ZNF362: variants seen among roughly 807,000 people sequenced by gnomAD.
The protein encoded by ZNF362 is rotund homolog.
Under a neutral mutation model 42.9 loss-of-function variants are expected in ZNF362, and 11 were observed. The observed-to-expected ratio is 0.26, with a 90% CI of 0.16 to 0.42. The LOEUF (loss-of-function observed/expected upper bound fraction) is 0.42. ZNF362 is among the 20% of genes least tolerant of loss of function. The pLI is 1.00. For synonymous variants in ZNF362, 255 were observed against 257.3 expected, an observed-to-expected ratio of 0.99 and a Z score of 0.09; for missense variants, 362 against 576.2, an observed-to-expected ratio of 0.63 and a Z score of 3.81.
chr1:33,180,918 AC>A, the ZNF362 span: 1 of 608,516 alleles, frequency 1.6e-6, no homozygotes, highest in Non-Finnish European at 2.3e-6. Context: ...CCGCCCCAGG[AC>A]CATTCTGACT....
At chr1:33,139,810 A>G in the ZNF362 span, among the ~76,000 whole-genome samples, 175 of 152,194 alleles carry the variant, frequency 1.1e-3, no homozygotes, top group South Asian at 2.3e-3. Flanking sequence ...AGCTGGAAAG[A>G]CAGGAGCCAC....
At chr1:33,190,480 G>A in the ZNF362 span, among the ~76,000 whole-genome samples, 3 of 152,206 alleles carry the variant, frequency 2.0e-5, no homozygotes, top group African/African-American at 7.2e-5. Flanking sequence ...CCACCACTGA[G>A]TTGCTCAATG....
chr1:33,166,084 GA>G, the ZNF362 span: 1 of 152,400 alleles, frequency 6.6e-6, no homozygotes, highest in African/African-American at 2.4e-5. Context: ...ACAGGAGTGT[GA>G]ACTGCACATG....
chr1:33,161,590 AG>A, the ZNF362 span, among the ~76,000 whole-genome samples: 2 of 151,926 alleles, frequency 1.3e-5, no homozygotes, highest in East Asian at 3.9e-4. This position sits in a 1 kb window ranked among gnomAD's most constrained non-coding sequence, Gnocchi z 4.3. Context: ...AGGCAGACAA[AG>A]GGGGGCGGAC....
chr1:33,147,178 T>C, the ZNF362 span: 4 of 1,613,206 alleles, frequency 2.5e-6, no homozygotes, highest in Non-Finnish European at 3.4e-6. This position sits in a 1 kb window ranked among gnomAD's most constrained non-coding sequence, Gnocchi z 8.1. Context: ...CTGCCTGGAC[T>C]AGATGCGGAC....
chr1:33,204,354 T>A, the ZNF362 span, among the ~76,000 whole-genome samples: 2 of 152,180 alleles, frequency 1.3e-5, no homozygotes, highest in Non-Finnish European at 2.9e-5. Context: ...ATGTCAGTAC[T>A]ATACTGTTTT....
At chr1:33,226,215 C>T in the ZNF362 span, among the ~76,000 whole-genome samples, 5 of 152,072 alleles carry the variant, frequency 3.3e-5, no homozygotes, top group Admixed American at 2.0e-4. Flanking sequence ...CTCATTAATC[C>T]TCACCTGTCC....
At chr1:33,230,478 A>G in the ZNF362 span, among the ~76,000 whole-genome samples, 1 of 152,216 alleles carries the variant, frequency 6.6e-6, no homozygotes, top group African/African-American at 2.4e-5. Flanking sequence ...AGCTTGTAAG[A>G]GTCTGATGCT....
At chr1:33,226,727 T>C in the ZNF362 span, among the ~76,000 whole-genome samples, 14 of 152,290 alleles carry the variant, frequency 9.2e-5, no homozygotes, top group Admixed American at 7.8e-4. Flanking sequence ...TAGCTGGGCA[T>C]GGTGGCGCAT....
the ZNF362 span, among the ~76,000 whole-genome samples, chr1:33,174,751 G>C: frequency 1.3e-5 from 2 of 152,124 alleles, no homozygotes; most frequent in Non-Finnish European, 2.9e-5. Context: ...GCTCAACAGA[G>C]CAAGCCTCAG....
At chr1:33,224,550 A>G in the ZNF362 span, among the ~76,000 whole-genome samples, 1 of 152,236 alleles carries the variant, frequency 6.6e-6, no homozygotes, top group Non-Finnish European at 1.5e-5. Context: ...AGAGATAACA[A>G]TGTAAGAGAC....
chr1:33,142,266 A>G, the ZNF362 span: 1 of 152,304 alleles, frequency 6.6e-6, no homozygotes, highest in East Asian at 1.9e-4. Context: ...AGGTGTGAGC[A>G]GTCAGCCTCT....
chr1:33,165,342 G>A, the ZNF362 span: 2 of 808,306 alleles, frequency 2.5e-6, no homozygotes, highest in South Asian at 3.6e-5. The surrounding 1 kb of genome is among the most constrained non-coding windows in gnomAD (Gnocchi z 4.0). Context: ...CTCACTCCAG[G>A]TTTGGCTCCT....
the ZNF362 span, among the ~76,000 whole-genome samples, chr1:33,174,225 T>C: frequency 4.0e-5 from 6 of 151,848 alleles, no homozygotes; most frequent in Admixed American, 3.9e-4. Context: ...TTGCCCAGGC[T>C]GGCTGTAGTG....
chr1:33,267,701 A>G (rs1645873884), intron 1 of ZNF362, among the ~76,000 whole-genome samples: 1 of 152,228 alleles, frequency 6.6e-6, no homozygotes. Context: ...GGCCAGTAAC[A>G]TTAGCTGTTA....
chr1:33,181,349 A>G, the ZNF362 span: 1,205,343 of 1,587,034 alleles, frequency 0.76, 458,397 homozygotes, highest in Admixed American at 0.8. The surrounding 1 kb of genome is among the most constrained non-coding windows in gnomAD (Gnocchi z 6.5). Context: ...GGCAGAAGTA[A>G]TGCTCGCAGC....
the ZNF362 span, among the ~76,000 whole-genome samples, chr1:33,226,684 G>A: frequency 6.6e-6 from 1 of 152,156 alleles, no homozygotes; most frequent in Non-Finnish European, 1.5e-5. Flanking sequence ...GGCCAACATG[G>A]TGAAATCCCA....
At chr1:33,171,479 C>G in the ZNF362 span, among the ~76,000 whole-genome samples, 1 of 152,106 alleles carries the variant, frequency 6.6e-6, no homozygotes, top group Non-Finnish European at 1.5e-5. Flanking sequence ...TCAGTGGCTC[C>G]GAAAATCCAT....
chr1:33,282,809 T>G (rs1570401785), intron 6 of ZNF362, among the ~76,000 whole-genome samples: 4 of 132,060 alleles, frequency 3.0e-5, no homozygotes, highest in Non-Finnish European at 3.2e-5. Flanking sequence ...ATGACAAGAG[T>G]GAAACTCTGT....
Sources: gnomAD v4.1 joint callset for allele counts (sites outside exome capture counted in the v4.1 genomes callset) on GRCh38, gnomAD v4.1.1 for gene constraint, Gnocchi (gnomAD v3.1) non-coding constraint, MANE v1.5 for transcripts, NCBI Gene and HGNC (gene_info 2026-07-23, HGNC 2026-07-21) for gene names.